USP34: variants seen among roughly 807,000 people sequenced by gnomAD.
The protein encoded by USP34 is ubiquitin carboxyl-terminal hydrolase 34.
A neutral mutation model predicts 460.3 loss-of-function variants in USP34; 70 were observed. The observed-to-expected ratio is 0.15, with a 90% CI of 0.13 to 0.19. The LOEUF is 0.19. Among genes scored for constraint, USP34 ranks in the 10% least tolerant of loss-of-function variants. The pLI, the probability that USP34 is intolerant of heterozygous loss-of-function variation, is 1.00. For missense variants in USP34, 3,985 were observed against 4,236.2 expected (o/e 0.94, Z 1.65); for synonymous variants, 1,647 against 1,405.3 (o/e 1.17, Z -3.85).
chr2:61,340,102 T>G (rs538091893), intron 16 of USP34, among the ~76,000 whole-genome samples: 1 of 152,184 alleles, frequency 6.6e-6, no homozygotes, highest in Admixed American at 6.5e-5. Context: ...GAACTGTACA[T>G]AAATACTTGA....
At chr2:61,195,883 C>T (rs1193694473) in intron 75 of USP34, among the ~76,000 whole-genome samples, 1 of 151,838 alleles carries the variant, frequency 6.6e-6, no homozygotes, top group Non-Finnish European at 1.5e-5. Context: ...CCCTACTATC[C>T]CCCCAAAGTA....
At chr2:61,316,466 T>TC (rs1220070032) in intron 23 of USP34, among the ~76,000 whole-genome samples, 1 of 151,780 alleles carries the variant, frequency 6.6e-6, no homozygotes, top group African/African-American at 2.4e-5. Flanking sequence ...ATGCCTGTTG[T>TC]CCCAGCTACT....
chr2:61,323,110 A>G (rs1690976353), intron 21 of USP34, among the ~76,000 whole-genome samples: 1 of 152,212 alleles, frequency 6.6e-6, no homozygotes. Flanking sequence ...CATGCACAGT[A>G]GTCTGAGGCC....
At position 61,461,814 on chromosome 2, in the gene USP34, T is replaced by C. The variant is rs1033386730; in HGVS notation, c.43+8836A>G. ...TTTTTTGACACAGTAAACTCACGTC[T>C]AGAAATCTAAAAGAACCAGGGATGT... is the stretch of plus-strand genomic sequence containing the variant. On this transcript the variant is annotated intron_variant, in intron 1 of 79. Coordinates refer to ENST00000398571, the MANE Select transcript of USP34 (RefSeq NM_014709.4). Among the ~76,000 whole-genome samples the C allele has an allele frequency of 3.9e-5, 6 of 152,180 alleles. No homozygotes were observed. The South Asian group carries it at 6.2e-4, about 16-fold the overall frequency.
chr2:61,303,656 G>C (rs1243477340), intron 27 of USP34, among the ~76,000 whole-genome samples: 1 of 151,772 alleles, frequency 6.6e-6, no homozygotes, highest in East Asian at 1.9e-4. Context: ...GAGTGCAGTG[G>C]CACAATCTCA....
rs369411892 is a variant in USP34 at position 61,203,131 on chromosome 2, T to C, written c.9508+9A>G. 8 of 1,574,010 alleles carry C rather than the reference T, an allele frequency of 5.1e-6. No homozygotes were observed. The highest frequency in any genetic ancestry group is 6.0e-6 in the Non-Finnish European group (7 of 1,159,228). The stretch of plus-strand genomic sequence containing the variant: ...TCAGTGGAATTTACTGCTCATCTTT[T>C]ATACTTACTCAGCTTAACTAATGTT... On this transcript the variant is annotated intron_variant, in intron 75 of 79. Transcript: ENST00000398571.
At chr2:61,401,168 A>AC (rs1416191464) in intron 3 of USP34, among the ~76,000 whole-genome samples, 2 of 151,360 alleles carry the variant, frequency 1.3e-5, no homozygotes, top group Non-Finnish European at 2.9e-5. Context: ...AAAAAAAAAA[A>AC]ATTAAAAAAT....
intron 3 of USP34, among the ~76,000 whole-genome samples, chr2:61,397,050 C>T (rs965335010): frequency 6.6e-6 from 1 of 151,918 alleles, no homozygotes; most frequent in Non-Finnish European, 1.5e-5. Flanking sequence ...ATAATTTTTA[C>T]GTTTGGAAAT....
At position 61,345,272 on chromosome 2, in the gene USP34, T is replaced by TA. The variant is rs33948872; in HGVS notation, c.2286-1244dup. ...CTGAACAACAGAGTGTGACTGTGTT[T>TA]AAAAAAAAAAAAAAAATTGTAATTA... On this transcript the variant is annotated intron_variant, in intron 15 of 79. Coordinates refer to ENST00000398571, the MANE Select transcript of USP34 (RefSeq NM_014709.4). 2.2e-3 allele frequency among the ~76,000 whole-genome samples: 314 copies of TA among 144,628 alleles called. 1 individual carries two copies. The highest frequency in any genetic ancestry group is 3.0e-3 in the East Asian group (15 of 4,958). 94.9% of individuals were successfully genotyped at this position (144,628 alleles called of 152,430 possible). A position where few individuals can be genotyped will look rare whatever the true frequency, so the allele number is the denominator to read the frequency against.
At chr2:61,467,978 G>A (rs556853232) in intron 1 of USP34, among the ~76,000 whole-genome samples, 1 of 152,066 alleles carries the variant, frequency 6.6e-6, no homozygotes, top group South Asian at 2.1e-4. Flanking sequence ...TTTGTACAAG[G>A]TACAGGCGGG....
At chr2:61,223,874 G>T (rs1340294788) in intron 62 of USP34, among the ~76,000 whole-genome samples, 3 of 152,078 alleles carry the variant, frequency 2.0e-5, no homozygotes. Flanking sequence ...TTAAAAAACA[G>T]AATAGTACAA....
In USP34 at chr2:61,188,368, A is replaced by G. The variant is rs1250644846; in HGVS notation, c.10375T>C (p.Ser3459Pro). ...EFKDLHCSKDSTLAEEESEFP... is the reference protein window; with the variant it reads ...EFKDLHCSKDPTLAEEESEFP... ...TCAGATTCTTCCTCAGCTAGGGTAGAATCCTTGGAACAGTGGAGGTCTTTA... is the reference window on the plus strand; with the variant it reads ...TCAGATTCTTCCTCAGCTAGGGTAGGATCCTTGGAACAGTGGAGGTCTTTA... The change falls in exon 80 of 80, where the codon TCT becomes CCT. Residue 3459 changes from serine (S) to proline (P), a missense_variant. This residue lies in a region of USP34 where 506 missense variants were observed against 439.0 expected (regional missense o/e 1.15). Transcript: ENST00000398571. The G allele has an allele frequency of 1.9e-6, 3 of 1,613,908 alleles. No individual in the cohort carries two copies. Among genetic ancestry groups the G allele is most frequent in the East Asian group, 4.5e-5 (2 of 44,890 alleles).
At chr2:61,393,076 C>G (rs996218173) in intron 5 of USP34, among the ~76,000 whole-genome samples, 1 of 152,096 alleles carries the variant, frequency 6.6e-6, no homozygotes, top group African/African-American at 2.4e-5. Context: ...CATTTTAAAC[C>G]TCAAAACAAT....
At chr2:61,467,077 G>A (rs942571565) in intron 1 of USP34, among the ~76,000 whole-genome samples, 1 of 151,868 alleles carries the variant, frequency 6.6e-6, no homozygotes, top group African/African-American at 2.4e-5. Flanking sequence ...AGACGGAAGC[G>A]GGTAGATCAC....
Position 61,349,260 on chromosome 2 carries a change from A to T in USP34, c.1533T>A (p.Ala511=), listed in dbSNP as rs377560030. ...TAAGGCTCAACTTACAAGGTGATGG[A>T]GCTGTTCTTCTAAGCTCTTCTTCCT... ...KKEEEELRRT[A]PSPWSPAASP... Residue 511 remains alanine (A), a synonymous_variant, in exon 13 of 80, where the codon GCT becomes GCA. Coordinates refer to ENST00000398571, the MANE Select transcript of USP34 (RefSeq NM_014709.4). 28 of 1,613,472 alleles carry T rather than the reference A, an allele frequency of 1.7e-5. No individual in the cohort carries two copies. Among genetic ancestry groups the T allele is most frequent in the Non-Finnish European group, 2.2e-5 (26 of 1,179,780 alleles).
At chr2:61,257,459 G>C in intron 44 of USP34, 109 bp from the exon 45 acceptor site, 1 of 855,246 alleles carries the variant, frequency 1.2e-6, no homozygotes, top group Non-Finnish European at 1.6e-6. Context: ...AATCTACTAA[G>C]TTAGTTTTAA....
chr2:61,309,546 A>G (rs1218797458), intron 27 of USP34, among the ~76,000 whole-genome samples: 1 of 152,150 alleles, frequency 6.6e-6, no homozygotes, highest in Non-Finnish European at 1.5e-5. Flanking sequence ...CTATGTTACA[A>G]AAGAATGGAC....
chr2:61,319,466 C>T, intron 21 of USP34, 139 bp from the exon 22 acceptor site: 2 of 450,562 alleles, frequency 4.4e-6, no homozygotes, highest in Non-Finnish European at 7.6e-6. Context: ...TGAAATGATG[C>T]ATAATGAAAC....
At chr2:61,367,041 G>T (rs1238348157) in intron 10 of USP34, among the ~76,000 whole-genome samples, 1 of 152,042 alleles carries the variant, frequency 6.6e-6, no homozygotes, top group African/African-American at 2.4e-5. Context: ...AGAACAAACA[G>T]CAAAGGCATA....
Sources: allele counts gnomAD v4.1 joint callset (sites outside exome capture counted in the v4.1 genomes callset), GRCh38; gene constraint gnomAD v4.1.1; regional missense constraint gnomAD v4.1.1; transcripts MANE v1.5; gene names NCBI Gene and HGNC (gene_info 2026-07-23, HGNC 2026-07-21).